BEND7: variants seen among roughly 807,000 people sequenced by gnomAD.
BEND7 encodes the protein BEN domain-containing protein 7.
Under a neutral mutation model 50.9 loss-of-function variants are expected in BEND7, and 28 were observed. The ratio of observed to expected loss-of-function variants is 0.55; its 90% CI spans 0.41 to 0.75. The LOEUF (loss-of-function observed/expected upper bound fraction) is 0.75, where lower values mean the gene tolerates loss of function less well. Ranked by LOEUF, BEND7 falls within the 30% of genes least tolerant of loss-of-function variation. BEND7 has a pLI of 0.00. For missense variants in BEND7, 477 were observed against 491.3 expected (o/e 0.97, Z 0.28); for synonymous variants, 170 against 183.9 (o/e 0.92, Z 0.61).
At chr10:13,480,483 TCTAAACTTCAGAGAGAACCA>T in intron 6 of BEND7, 2 of 419,300 alleles carry the variant, frequency 4.8e-6, no homozygotes, top group Non-Finnish European at 6.4e-6. Flanking sequence ...GTAAAGCAAC[TCTAAACTTCAGAGAGAACCA>T]TTTTACTTTA....
At chr10:13,492,543 T>C (rs2076736592) in intron 5 of BEND7, 68 bp downstream of exon 5, 9 of 1,576,370 alleles carry the variant, frequency 5.7e-6, no homozygotes, top group Non-Finnish European at 6.9e-6. Flanking sequence ...AAGGGAAATC[T>C]ATAAATACTA....
chr10:13,472,942 T>C (rs901957874), intron 6 of BEND7, among the ~76,000 whole-genome samples: 20 of 152,062 alleles, frequency 1.3e-4, no homozygotes, highest in Admixed American at 1.2e-3. Flanking sequence ...CTGTCATCAC[T>C]GTTAGACTCA....
intron 6 of BEND7, among the ~76,000 whole-genome samples, chr10:13,465,754 C>T (rs962616025): frequency 2.6e-5 from 4 of 151,982 alleles, no homozygotes; most frequent in African/African-American, 9.7e-5. Flanking sequence ...GAATGACAGT[C>T]AGGAGTGAAT....
chr10:13,484,289 A>G (rs1000436789), intron 5 of BEND7, among the ~76,000 whole-genome samples: 16 of 152,240 alleles, frequency 1.1e-4, no homozygotes, highest in African/African-American at 3.6e-4. Context: ...GCCTTAAAAG[A>G]ACAAAAGAGG....
At chr10:13,521,238 T>C (rs1181544495) in intron 2 of BEND7, among the ~76,000 whole-genome samples, 1 of 152,124 alleles carries the variant, frequency 6.6e-6, no homozygotes. Flanking sequence ...AAGCCTGCCA[T>C]GCGGTTAAGG....
downstream of BEND7, chr10:13,438,522 G>T (rs1189778759): frequency 6.6e-6 from 1 of 151,966 alleles, no homozygotes; most frequent in African/African-American, 2.4e-5. Flanking sequence ...TAACAAAATA[G>T]AAATAAATAT....
At chr10:13,474,304 G>A (rs1213461010) in intron 6 of BEND7, among the ~76,000 whole-genome samples, 1 of 152,068 alleles carries the variant, frequency 6.6e-6, no homozygotes, top group African/African-American at 2.4e-5. Flanking sequence ...GTTAGATGCG[G>A]GGTCGATATC....
chr10:13,527,726 TA>T (rs60474158), intron 1 of BEND7: 403 of 522,616 alleles, frequency 7.7e-4, no homozygotes, highest in Middle Eastern at 9.7e-4. Flanking sequence ...ATCATTTTTT[TA>T]AAAAAAAAAG....
Position 13,441,476 on chromosome 10 carries a change from C to A in BEND7, c.*267G>T, listed in dbSNP as rs920297907. 28 of 1,313,550 alleles carry A rather than the reference C, an allele frequency of 2.1e-5. No individual in the cohort carries two copies. Among genetic ancestry groups the A allele is most frequent in the Non-Finnish European group, 2.6e-5 (27 of 1,033,876 alleles). 81.4% of individuals were successfully genotyped at this position (1,313,550 alleles called of 1,614,324 possible). A position where few individuals can be genotyped will look rare whatever the true frequency, so the allele number is the denominator to read the frequency against. ...ATCTTTGGGTTGAACAAGCTCCACC[C>A]GTCCTCAAGTGCTGAACACCCCAAG... is the stretch of plus-strand genomic sequence containing the variant. On this transcript the variant is annotated 3_prime_UTR_variant, in exon 9 of 9. Transcript: ENST00000466271.
chr10:13,492,824 T>A lies in BEND7; in HGVS notation c.624A>T (p.Arg208=), dbSNP rs543625209. Residue 208 remains arginine, a synonymous_variant, in exon 5 of 9, where the codon CGA becomes CGT. Transcript: ENST00000466271. ...QPPISLICSQ[R]TAVSRKRNKK... ...TATTTCTCTTTCGTGAGACAGCAGTTCGCTGGGAGCATATAAGGGAAATTG... is the reference window on the plus strand; with the variant it reads ...TATTTCTCTTTCGTGAGACAGCAGTACGCTGGGAGCATATAAGGGAAATTG... 25 of 1,608,230 alleles carry A rather than the reference T, an allele frequency of 1.6e-5. No homozygotes were observed. The African/African-American group carries it at 3.4e-4, about 22-fold the overall frequency.
upstream of BEND7, chr10:13,529,056 G>A (rs1476096169): frequency 1.4e-5 from 2 of 145,250 alleles, no homozygotes; most frequent in Non-Finnish European, 3.1e-5. Flanking sequence ...CCCGCGGGAG[G>A]AGGGGCGCCG....
At chr10:13,481,300 A>G (rs561406072) in intron 5 of BEND7, among the ~76,000 whole-genome samples, 176 bp from the exon 6 acceptor site, 15 of 152,342 alleles carry the variant, frequency 9.8e-5, no homozygotes, top group Admixed American at 8.5e-4. Flanking sequence ...AGGACTAGTT[A>G]TAACTTATGA....
chr10:13,498,102 G>T (rs1428486847), intron 3 of BEND7, among the ~76,000 whole-genome samples: 1 of 137,016 alleles, frequency 7.3e-6, no homozygotes, highest in African/African-American at 2.7e-5. Context: ...TTGAGACAGG[G>T]TCTCGCTCTG....
At chr10:13,447,468 G>C in intron 7 of BEND7, 152 bp from the exon 8 acceptor site, 1 of 498,586 alleles carries the variant, frequency 2.0e-6, no homozygotes, top group Non-Finnish European at 3.5e-6. Context: ...TCATATTACA[G>C]ATGTTAATAT....
At chr10:13,512,338 A>G (rs1420931767) in intron 2 of BEND7, among the ~76,000 whole-genome samples, 1 of 152,170 alleles carries the variant, frequency 6.6e-6, no homozygotes, top group Non-Finnish European at 1.5e-5. Context: ...AAAGATGAAA[A>G]CTTCAGAAAA....
intron 5 of BEND7, among the ~76,000 whole-genome samples, chr10:13,484,694 A>G (rs2076095457): frequency 2.0e-5 from 3 of 152,260 alleles, no homozygotes; most frequent in African/African-American, 7.2e-5. Flanking sequence ...TTTTTAAATG[A>G]TGATGTCTAA....
chr10:13,490,113 C>CA (rs1203856999), intron 5 of BEND7, among the ~76,000 whole-genome samples: 15 of 152,258 alleles, frequency 9.9e-5, no homozygotes, highest in African/African-American at 3.4e-4. Context: ...ATTGACAGCC[C>CA]CTTGTGGGCC....
At position 13,496,928 on chromosome 10, in the gene BEND7, C is replaced by A. The variant is rs376304759; in HGVS notation, c.449-40G>T. ...AAAGAATGACATACTCCAAACAAAC[C>A]AAAAAAAAAAAAAAAAATCATAAAG... On this transcript the variant is annotated intron_variant, in intron 3 of 8. Transcript: ENST00000466271. 8.6e-4 allele frequency: 974 copies of A among 1,133,148 alleles called. No homozygotes were observed. The highest frequency in any genetic ancestry group is 4.4e-3 in the South Asian group (158 of 35,986). 70.2% of individuals were successfully genotyped at this position (1,133,148 alleles called of 1,614,324 possible).
intron 6 of BEND7, among the ~76,000 whole-genome samples, chr10:13,453,974 ATGGCAAC>A (rs1380964553): frequency 6.6e-6 from 1 of 152,246 alleles, no homozygotes; most frequent in Non-Finnish European, 1.5e-5. Flanking sequence ...TGTCAAACAC[ATGGCAAC>A]AATCCGATTG....
Sources: allele counts gnomAD v4.1 joint callset (sites outside exome capture counted in the v4.1 genomes callset), GRCh38; gene constraint gnomAD v4.1.1; transcripts MANE v1.5; gene names NCBI Gene and HGNC (gene_info 2026-07-23, HGNC 2026-07-21).